ASIC2: variants seen among roughly 807,000 people sequenced by gnomAD.
ASIC2 encodes the protein acid-sensing ion channel 2.
A neutral mutation model predicts 57.3 loss-of-function variants in ASIC2; 25 were observed. That is an observed-to-expected ratio of 0.44 (90% CI 0.32 to 0.61). ASIC2 has a LOEUF of 0.61. Among genes scored for constraint, ASIC2 ranks in the 20% least tolerant of loss-of-function variants. The pLI, the probability that ASIC2 is intolerant of heterozygous loss-of-function variation, is 0.06. For synonymous variants in ASIC2, 319 were observed against 307.5 expected (o/e 1.04, Z -0.39); for missense variants, 641 against 738.1 (o/e 0.87, Z 1.52).
chr17:33,919,487 C>T (rs529002005), intron 1 of ASIC2, among the ~76,000 whole-genome samples: 3 of 152,214 alleles, frequency 2.0e-5, no homozygotes, highest in South Asian at 4.2e-4. Context: ...AAACTGGATT[C>T]ATACCCTTTA....
In ASIC2 at chr17:33,806,213, T is replaced by C. The variant is rs903700708; in HGVS notation, c.555+349765A>G. ...AGGCTCTGCCACCATGCAGTCTATG[T>C]TGCAAATACTCAACTCTGCCTTTGT... On this transcript the variant is annotated intron_variant, in intron 1 of 9. Transcript: ENST00000359872. Among the ~76,000 whole-genome samples the C allele has an allele frequency of 5.3e-5, 8 of 152,358 alleles. No individual in the cohort carries two copies. In the East Asian group the frequency reaches 1.3e-3, roughly 26 times the overall value.
intron 1 of ASIC2, among the ~76,000 whole-genome samples, chr17:33,143,514 T>C (rs1340742584): frequency 1.3e-5 from 2 of 152,128 alleles, no homozygotes; most frequent in African/African-American, 4.8e-5. Flanking sequence ...TTAACCCCAT[T>C]TTGGGAAGAA....
chr17:33,989,692 C>T lies in ASIC2; in HGVS notation c.555+166286G>A, dbSNP rs535176448. The stretch of plus-strand genomic sequence containing the variant: ...AATCCCTAGCCCATTACCAGAGACT[C>T]AAATGACACTGTTGTTTTTTTTCTC... On this transcript the variant is annotated intron_variant, in intron 1 of 9. Transcript: ENST00000359872. 2.0e-5 allele frequency among the ~76,000 whole-genome samples: 3 copies of T among 152,290 alleles called. No individual in the cohort carries two copies. In the South Asian group the frequency reaches 6.2e-4, roughly 32 times the overall value.
intron 1 of ASIC2, among the ~76,000 whole-genome samples, chr17:33,135,519 G>A (rs28457751): frequency 0.012 from 1,873 of 152,304 alleles, 44 homozygotes; most frequent in African/African-American, 0.043. Flanking sequence ...GTATCCCACT[G>A]CCCTGTGAGG....
At chr17:33,705,710 C>T (rs1222494610) in intron 1 of ASIC2, among the ~76,000 whole-genome samples, 1 of 152,184 alleles carries the variant, frequency 6.6e-6, no homozygotes, top group East Asian at 1.9e-4. Context: ...ATGGGGAGAA[C>T]AGCCCTGCCA....
chr17:34,127,771 G>T (rs1004223843), intron 1 of ASIC2, among the ~76,000 whole-genome samples: 1 of 152,176 alleles, frequency 6.6e-6, no homozygotes, highest in African/African-American at 2.4e-5. Flanking sequence ...AAGAATACAA[G>T]AAACTGTCCC....
chr17:33,292,819 A>G lies in ASIC2; in HGVS notation c.-704T>C. On this transcript the variant is annotated 5_prime_UTR_variant, in exon 1 of 10. Coordinates refer to ENST00000225823, the MANE Select transcript of ASIC2 (RefSeq NM_183377.2). ...CTGCTCCCTGGGCTGCGCTCGGCAG[A>G]GACCTGCTTAGGCTTCCCCAAGTCC... 2 of 985,642 alleles carry G rather than the reference A, an allele frequency of 2.0e-6. No individual in the cohort carries two copies. Among genetic ancestry groups the G allele is most frequent in the South Asian group, 4.7e-5 (1 of 21,284 alleles). The allele number at this position is 985,642 out of a possible 1,614,324, so 61.1% of individuals were successfully genotyped here. A position where few individuals can be genotyped will look rare whatever the true frequency, so the allele number is the denominator to read the frequency against.
intron 1 of ASIC2, among the ~76,000 whole-genome samples, chr17:33,373,789 C>T (rs1909175149): frequency 1.3e-5 from 2 of 151,826 alleles, no homozygotes. Flanking sequence ...GCGATATTCC[C>T]TGCTTCAGCT....
chr17:33,924,688 A>G (rs1915787138), intron 1 of ASIC2, among the ~76,000 whole-genome samples: 1 of 152,040 alleles, frequency 6.6e-6, no homozygotes, highest in South Asian at 2.1e-4. Flanking sequence ...TAATCCGGGC[A>G]TTGTGGACAG....
intron 1 of ASIC2, among the ~76,000 whole-genome samples, chr17:33,468,876 G>A (rs1262265321): frequency 6.6e-6 from 1 of 152,146 alleles, no homozygotes; most frequent in Non-Finnish European, 1.5e-5. Flanking sequence ...CTCAGGGTAC[G>A]GCTAATGGCA....
At chr17:34,022,921 TAGTG>T (rs1016861614) in intron 1 of ASIC2, among the ~76,000 whole-genome samples, 4 of 152,126 alleles carry the variant, frequency 2.6e-5, no homozygotes, top group Non-Finnish European at 4.4e-5. Flanking sequence ...CTTCTTATGA[TAGTG>T]AGTGAGTTCT....
intron 3 of ASIC2, among the ~76,000 whole-genome samples, chr17:33,053,389 C>A (rs1000623062): frequency 6.6e-6 from 1 of 152,100 alleles, no homozygotes; most frequent in African/African-American, 2.4e-5. Flanking sequence ...AAAAATTATT[C>A]TTTTTGGGAG....
At chr17:33,664,061 A>G (rs1356059715) in intron 1 of ASIC2, among the ~76,000 whole-genome samples, 1 of 152,160 alleles carries the variant, frequency 6.6e-6, no homozygotes, top group African/African-American at 2.4e-5. Flanking sequence ...AAAATTCTCC[A>G]TGTCTAAGAG....
intron 1 of ASIC2, among the ~76,000 whole-genome samples, chr17:33,415,754 C>A (rs376613595): frequency 7.9e-5 from 12 of 152,058 alleles, no homozygotes; most frequent in African/African-American, 2.7e-4. Context: ...GCAGAGAGAG[C>A]AAAGTGGATG....
chr17:33,444,114 C>G (rs1034664114), intron 1 of ASIC2, among the ~76,000 whole-genome samples: 1 of 152,152 alleles, frequency 6.6e-6, no homozygotes, highest in Middle Eastern at 3.2e-3. Flanking sequence ...TGTTGTTTGC[C>G]TTTGGCCAAT....
intron 1 of ASIC2, among the ~76,000 whole-genome samples, chr17:34,068,166 C>T (rs946331503): frequency 6.6e-6 from 1 of 152,180 alleles, no homozygotes. Flanking sequence ...CCTCCACAAT[C>T]CTCTTCTCAA....
chr17:34,020,752 C>G (rs2142028463), intron 1 of ASIC2, among the ~76,000 whole-genome samples: 1 of 152,238 alleles, frequency 6.6e-6, no homozygotes, highest in Non-Finnish European at 1.5e-5. Flanking sequence ...ACATTCTTTC[C>G]CAGGACCTCC....
At chr17:33,311,529 T>G (rs1300016449) in intron 1 of ASIC2, among the ~76,000 whole-genome samples, 1 of 152,048 alleles carries the variant, frequency 6.6e-6, no homozygotes, top group Admixed American at 6.6e-5. Context: ...TCTGAGCATA[T>G]ATTCAAATCA....
chr17:33,217,757 C>A (rs1051044904), intron 1 of ASIC2, among the ~76,000 whole-genome samples: 17 of 152,210 alleles, frequency 1.1e-4, no homozygotes, highest in African/African-American at 4.1e-4. Context: ...ACAGCATCAC[C>A]TTGTAAGCCT....
Sources: gnomAD v4.1 joint callset for allele counts (sites outside exome capture counted in the v4.1 genomes callset) on GRCh38, gnomAD v4.1.1 for gene constraint, MANE v1.5 for transcripts, NCBI Gene and HGNC (gene_info 2026-07-23, HGNC 2026-07-21) for gene names.